Variants in EXOC4 observed in about 807,000 individuals in gnomAD.
The protein encoded by EXOC4 is exocyst complex component 4, also known as SEC8-like 1.
A neutral mutation model predicts 107.2 loss-of-function variants in EXOC4; 71 were observed. The observed-to-expected ratio is 0.66, with a 90% confidence interval of 0.55 to 0.81. EXOC4 has a LOEUF of 0.81. Ranked by LOEUF, EXOC4 falls within the 30% of genes least tolerant of loss-of-function variation. EXOC4 has a pLI of 0.00. For missense variants in EXOC4, 1,108 were observed against 1,189.6 expected (o/e 0.93, Z 1.01); for synonymous variants, 456 against 441.2 (o/e 1.03, Z -0.42).
intron 5 of EXOC4, among the ~76,000 whole-genome samples, chr7:133,338,424 T>C (rs1321547659): frequency 6.8e-6 from 1 of 147,778 alleles, no homozygotes; most frequent in African/African-American, 2.5e-5. Flanking sequence ...AAACCCCGTC[T>C]CTACTAAAAA....
At chr7:133,605,173 T>C (rs1159821713) in intron 9 of EXOC4, among the ~76,000 whole-genome samples, 2 of 152,226 alleles carry the variant, frequency 1.3e-5, no homozygotes, top group Non-Finnish European at 2.9e-5. Flanking sequence ...AATTCATCAA[T>C]TCTTCAACAA....
At chr7:133,832,547 T>A (rs1408870016) in intron 11 of EXOC4, among the ~76,000 whole-genome samples, 1 of 152,234 alleles carries the variant, frequency 6.6e-6, no homozygotes, top group Non-Finnish European at 1.5e-5. Context: ...ATCATTGGAA[T>A]CATACAAGAA....
intron 9 of EXOC4, among the ~76,000 whole-genome samples, chr7:133,589,426 G>A (rs1485347976): frequency 1.3e-5 from 2 of 152,136 alleles, no homozygotes; most frequent in Non-Finnish European, 2.9e-5. Flanking sequence ...CTCTTGGGAG[G>A]CATTGCTTTG....
chr7:133,791,591 G>T (rs1206781874), intron 10 of EXOC4, among the ~76,000 whole-genome samples: 1 of 152,136 alleles, frequency 6.6e-6, no homozygotes, highest in Non-Finnish European at 1.5e-5. Flanking sequence ...AGTTTGGTTA[G>T]TAAAAATATT....
At chr7:133,454,445 C>G (rs534187744) in intron 7 of EXOC4, among the ~76,000 whole-genome samples, 1 of 152,018 alleles carries the variant, frequency 6.6e-6, no homozygotes, top group Non-Finnish European at 1.5e-5. Flanking sequence ...TACAGTTGTG[C>G]GCCACCATGC....
intron 9 of EXOC4, among the ~76,000 whole-genome samples, chr7:133,496,203 G>T (rs1461341665): frequency 6.6e-6 from 1 of 152,078 alleles, no homozygotes; most frequent in Non-Finnish European, 1.5e-5. Flanking sequence ...AGGCTGGAGT[G>T]CAGTGCACCG....
chr7:133,330,609 C>T (rs1002387329), intron 5 of EXOC4, among the ~76,000 whole-genome samples: 3 of 152,062 alleles, frequency 2.0e-5, no homozygotes, highest in African/African-American at 7.2e-5. Context: ...GAGAAAAGTT[C>T]AGTATCTAGT....
chr7:134,003,248 A>C (rs2116319413), intron 15 of EXOC4, among the ~76,000 whole-genome samples: 1 of 152,302 alleles, frequency 6.6e-6, no homozygotes, highest in South Asian at 2.1e-4. Flanking sequence ...GGAAAAGACA[A>C]CTGTAGGGGC....
chr7:133,884,620 T>TGTGTGTGC (rs942323507), intron 11 of EXOC4, among the ~76,000 whole-genome samples: 65 of 142,412 alleles, frequency 4.6e-4, no homozygotes, highest in African/African-American at 1.5e-3. Flanking sequence ...TGTGTGTGTG[T>TGTGTGTGC]GCGCGCGTGT....
intron 10 of EXOC4, among the ~76,000 whole-genome samples, chr7:133,736,554 C>G (rs564007502): frequency 2.0e-5 from 3 of 152,242 alleles, no homozygotes; most frequent in African/African-American, 7.2e-5. Context: ...GATTTCCTTC[C>G]CAATATTTAC....
rs375717301 is a variant in EXOC4 at position 133,959,027 on chromosome 7, G to A, written c.2206+20958G>A. Reference sequence around the variant, plus strand: ...TAAGCACCAGGATGGTGCAGGTGTAGGCGGGAGATAGACACTAACATCAGT... The same window carrying A: ...TAAGCACCAGGATGGTGCAGGTGTAAGCGGGAGATAGACACTAACATCAGT... On this transcript the variant is annotated intron_variant, in intron 14 of 17. Coordinates refer to ENST00000253861, the MANE Select transcript of EXOC4 (RefSeq NM_021807.4). 3.9e-4 allele frequency among the ~76,000 whole-genome samples: 59 copies of A among 152,306 alleles called. 1 individual carries two copies. The East Asian group carries it at 6.2e-3, about 16-fold the overall frequency.
chr7:133,452,005 G>A (rs149333803), intron 7 of EXOC4, among the ~76,000 whole-genome samples: 6 of 152,188 alleles, frequency 3.9e-5, no homozygotes, highest in East Asian at 3.9e-4. Flanking sequence ...TTAATTGTAC[G>A]GTTCAGTAGT....
At chr7:133,294,167 T>G (rs910524905) in intron 3 of EXOC4, among the ~76,000 whole-genome samples, 5 of 152,140 alleles carry the variant, frequency 3.3e-5, no homozygotes, top group African/African-American at 1.2e-4. Flanking sequence ...GTACAAAGAG[T>G]GATTAATTCT....
intron 11 of EXOC4, among the ~76,000 whole-genome samples, chr7:133,851,952 A>C (rs1181843627): frequency 1.3e-5 from 2 of 152,222 alleles, no homozygotes; most frequent in Non-Finnish European, 2.9e-5. Context: ...CTAAGAACCT[A>C]GTCAAACTTC....
chr7:133,885,269 G>A (rs1402719453), intron 11 of EXOC4, among the ~76,000 whole-genome samples: 7 of 150,868 alleles, frequency 4.6e-5, no homozygotes, highest in Admixed American at 2.0e-4. Flanking sequence ...AGCCAAGATC[G>A]CGCTGCTGCA....
At chr7:133,586,327 G>A (rs1801402709) in intron 9 of EXOC4, among the ~76,000 whole-genome samples, 1 of 152,126 alleles carries the variant, frequency 6.6e-6, no homozygotes, top group African/African-American at 2.4e-5. Flanking sequence ...TACAAGTGAG[G>A]TCATGCAGTA....
chr7:133,262,218 G>A (rs1217155748), intron 1 of EXOC4, among the ~76,000 whole-genome samples: 1 of 152,166 alleles, frequency 6.6e-6, no homozygotes, highest in Non-Finnish European at 1.5e-5. Flanking sequence ...TGTTTAAAGC[G>A]ATGGCAGCTG....
At chr7:133,909,470 G>A (rs1381979629) in intron 12 of EXOC4, among the ~76,000 whole-genome samples, 1 of 152,194 alleles carries the variant, frequency 6.6e-6, no homozygotes. Context: ...GGAAATGTGG[G>A]AAAGAGCACT....
intron 7 of EXOC4, among the ~76,000 whole-genome samples, chr7:133,414,779 A>T (rs971481048): frequency 2.0e-5 from 3 of 152,150 alleles, no homozygotes; most frequent in Non-Finnish European, 4.4e-5. Flanking sequence ...TATAAGTTTG[A>T]TACCATACAG....
Sources: allele counts gnomAD v4.1 joint callset (sites outside exome capture counted in the v4.1 genomes callset), GRCh38; gene constraint gnomAD v4.1.1; transcripts MANE v1.5; gene names NCBI Gene and HGNC (gene_info 2026-07-23, HGNC 2026-07-21).